PHKB: variants seen among roughly 807,000 people sequenced by gnomAD.
PHKB encodes the protein phosphorylase kinase regulatory subunit beta.
PHKB carries 122 observed loss-of-function variants against 152.1 expected under a neutral mutation model. That is an observed-to-expected ratio of 0.80 (90% CI 0.69 to 0.93). PHKB has a LOEUF of 0.93. PHKB is among the 40% of genes least tolerant of loss of function. PHKB has a pLI of 0.00. For synonymous variants in PHKB, 436 were observed against 464.9 expected, an observed-to-expected ratio of 0.94 and a Z score of 0.80; for missense variants, 1,304 against 1,328.4, an observed-to-expected ratio of 0.98 and a Z score of 0.29.
At chr16:47,513,522 G>T (rs1160612165) in intron 5 of PHKB, among the ~76,000 whole-genome samples, 1 of 152,156 alleles carries the variant, frequency 6.6e-6, no homozygotes, top group East Asian at 1.9e-4. Flanking sequence ...ACTCTTGACT[G>T]CCAGGAAGTC....
intron 16 of PHKB, among the ~76,000 whole-genome samples, chr16:47,642,098 T>C (rs567560943): frequency 6.6e-6 from 1 of 152,298 alleles, no homozygotes; most frequent in South Asian, 2.1e-4. Flanking sequence ...CATCCTTTTA[T>C]CTTTGATTTT....
rs777073299 is a variant in PHKB, at chr16:47,661,783, A to G, written c.2261A>G (p.Asn754Ser). ...ATACTGCTCAAAAGAGAAGGCCCCAACTTCATCACAAAGGAAGGTAAGCAT... is the reference window on the plus strand; with the variant it reads ...ATACTGCTCAAAAGAGAAGGCCCCAGCTTCATCACAAAGGAAGGTAAGCAT... ...LGILLKREGPNFITKEGTVSD... is the reference protein window; with the variant it reads ...LGILLKREGPSFITKEGTVSD... The change falls in exon 23 of 31, where the codon AAC becomes AGC. Residue 754 changes from asparagine to serine, a missense_variant. By Grantham distance (46) the Asn-to-Ser change is conservative. Coordinates refer to ENST00000323584, the MANE Select transcript of PHKB (RefSeq NM_000293.3). 1.2e-6 allele frequency: 2 copies of G among 1,612,366 alleles called. No individual in the cohort carries two copies. The highest frequency in any genetic ancestry group is 2.2e-5 in the East Asian group (1 of 44,864).
chr16:47,531,722 C>G (rs1019296948), intron 6 of PHKB, among the ~76,000 whole-genome samples: 7 of 152,112 alleles, frequency 4.6e-5, no homozygotes, highest in Admixed American at 2.6e-4. Flanking sequence ...CACTAGAAAA[C>G]TCATGTTACG....
chr16:47,616,508 T>C (rs1483770621), intron 14 of PHKB, among the ~76,000 whole-genome samples: 2 of 146,212 alleles, frequency 1.4e-5, no homozygotes, highest in Non-Finnish European at 3.0e-5. Flanking sequence ...TATTTATATG[T>C]AAATATAAAT....
At chr16:47,612,115 T>C (rs1473839187) in intron 14 of PHKB, among the ~76,000 whole-genome samples, 2 of 152,228 alleles carry the variant, frequency 1.3e-5, no homozygotes, top group African/African-American at 4.8e-5. Flanking sequence ...GTGTACAGTC[T>C]GTACTGATTT....
intron 1 of PHKB, among the ~76,000 whole-genome samples, chr16:47,471,297 A>G (rs1180467030): frequency 6.6e-6 from 1 of 152,170 alleles, no homozygotes; most frequent in Admixed American, 6.5e-5. Flanking sequence ...GGAATGGGTG[A>G]GAGGAAGGCC....
chr16:47,651,374 A>C (rs1973235182), intron 20 of PHKB, among the ~76,000 whole-genome samples: 1 of 152,198 alleles, frequency 6.6e-6, no homozygotes, highest in Non-Finnish European at 1.5e-5. Context: ...CTCTCTGTCC[A>C]CAGTTCTCTC....
intron 1 of PHKB, among the ~76,000 whole-genome samples, chr16:47,477,822 A>C (rs981624504): frequency 6.6e-6 from 1 of 152,176 alleles, no homozygotes; most frequent in Non-Finnish European, 1.5e-5. Context: ...ATTCATCTAC[A>C]TTGTAATCCA....
intron 26 of PHKB, among the ~76,000 whole-genome samples, chr16:47,685,832 C>T (rs1487151360): frequency 6.7e-6 from 1 of 150,198 alleles, no homozygotes; most frequent in Non-Finnish European, 1.5e-5. Context: ...AGCTCCGCCT[C>T]CTGGGTTCAC....
At chr16:47,541,554 T>C (rs1971059794) in intron 6 of PHKB, among the ~76,000 whole-genome samples, 1 of 152,356 alleles carries the variant, frequency 6.6e-6, no homozygotes, top group South Asian at 2.1e-4. Context: ...TAGTTCTAGA[T>C]CCTTGAGGAA....
At chr16:47,693,733 A>G (rs1036190190) in intron 28 of PHKB, among the ~76,000 whole-genome samples, 1 of 152,196 alleles carries the variant, frequency 6.6e-6, no homozygotes, top group African/African-American at 2.4e-5. Context: ...GTAGGCAGAA[A>G]AGGCTCACTT....
intron 1 of PHKB, among the ~76,000 whole-genome samples, chr16:47,464,451 T>G (rs1385998497): frequency 6.6e-6 from 1 of 152,182 alleles, no homozygotes; most frequent in Non-Finnish European, 1.5e-5. Context: ...CCAGGGAATA[T>G]TTTGAGGCCA....
At chr16:47,610,986 A>C in intron 14 of PHKB, 66 bp downstream of exon 14, 1 of 1,006,750 alleles carries the variant, frequency 9.9e-7, no homozygotes, top group Non-Finnish European at 1.6e-6. Flanking sequence ...TTGAAGAGGA[A>C]ATTTTTGTTC....
At chr16:47,551,412 T>G (rs1479201771) in intron 7 of PHKB, among the ~76,000 whole-genome samples, 1 of 152,210 alleles carries the variant, frequency 6.6e-6, no homozygotes. Context: ...TGGTACATTG[T>G]GTCTTTGTTC....
At chr16:47,602,671 C>T (rs189707665) in intron 13 of PHKB, among the ~76,000 whole-genome samples, 1 of 151,900 alleles carries the variant, frequency 6.6e-6, no homozygotes, top group Non-Finnish European at 1.5e-5. Flanking sequence ...CACTTACTAC[C>T]TGTGTGATCT....
At position 47,696,309 on chromosome 16, in the gene PHKB, A is replaced by G. The variant is rs1974145421; in HGVS notation, c.2896-72A>G. The G allele has an allele frequency of 1.2e-5, 10 of 819,436 alleles. No homozygotes were observed. In the South Asian group the frequency reaches 1.4e-4, roughly 11 times the overall value. 50.8% of individuals were successfully genotyped at this position (819,436 alleles called of 1,614,324 possible). A position where few individuals can be genotyped will look rare whatever the true frequency, so the allele number is the denominator to read the frequency against. On this transcript the variant is annotated intron_variant, in intron 28 of 30. Transcript: ENST00000323584. ...ACTGAAAACTATTAATGATTAGAAA[A>G]TGAAATTCTTCTATTAAATGAGAAC... is the stretch of plus-strand genomic sequence containing the variant.
chr16:47,641,022 T>C lies in PHKB; in HGVS notation c.1459-13T>C, dbSNP rs951451429. ...TTTAAAATGTTTTCCCCCTCCCTTA[T>C]TCTGCATTACAGGGCCCACTGGAAA... On this transcript the variant is annotated splice_polypyrimidine_tract_variant and intron_variant, in intron 14 of 30. Transcript: ENST00000323584. The C allele has an allele frequency of 6.2e-7, 1 of 1,612,032 alleles. No individual in the cohort carries two copies. The highest frequency in any genetic ancestry group is 8.5e-7 in the Non-Finnish European group (1 of 1,178,088).
chr16:47,572,968 C>G (rs886466720), intron 7 of PHKB, among the ~76,000 whole-genome samples: 21 of 152,172 alleles, frequency 1.4e-4, no homozygotes, highest in African/African-American at 4.8e-4. Context: ...AAGGTCCTTT[C>G]CCTTTCTGCC....
At chr16:47,556,779 C>T (rs1343211093) in intron 7 of PHKB, among the ~76,000 whole-genome samples, 4 of 152,138 alleles carry the variant, frequency 2.6e-5, no homozygotes, top group African/African-American at 9.7e-5. Context: ...TGATGCTGGC[C>T]TCATAAAGTG....
Sources: allele counts gnomAD v4.1 joint callset (sites outside exome capture counted in the v4.1 genomes callset), GRCh38; gene constraint gnomAD v4.1.1; transcripts MANE v1.5; gene names NCBI Gene and HGNC (gene_info 2026-07-23, HGNC 2026-07-21).